Variants in DOP1B observed in about 807,000 individuals in gnomAD.
The protein encoded by DOP1B is protein DOP1B.
DOP1B carries 174 observed loss-of-function variants against 233.5 expected under a neutral mutation model. The ratio of observed to expected loss-of-function variants is 0.75; its 90% CI spans 0.66 to 0.85. DOP1B has a LOEUF of 0.85. DOP1B is among the 40% of genes least tolerant of loss of function. The pLI is 0.00. For synonymous variants in DOP1B, 1,190 were observed against 1,185.6 expected (o/e 1.00, Z -0.08); for missense variants, 2,652 against 2,846.6 (o/e 0.93, Z 1.56).
intron 30 of DOP1B, among the ~76,000 whole-genome samples, chr21:36,278,917 C>A (rs1483309835): frequency 6.6e-6 from 1 of 151,900 alleles, no homozygotes; most frequent in Non-Finnish European, 1.5e-5. Flanking sequence ...CTTGTTCTAT[C>A]TAATACTGCT....
intron 2 of DOP1B, among the ~76,000 whole-genome samples, chr21:36,167,924 CTTTTCTTTTCT>C (rs1291789496): frequency 0.066 from 6,907 of 104,354 alleles, 382 homozygotes; most frequent in Non-Finnish European, 0.087. Context: ...ATTTTCTTTT[CTTTTCTTTTCT>C]TTTTCTTTTT....
chr21:36,246,078 G>A lies in DOP1B; in HGVS notation c.4098G>A (p.Ser1366=), dbSNP rs756118246. 11 of 1,613,930 alleles carry A rather than the reference G, an allele frequency of 6.8e-6. 1 individual carries two copies. Among genetic ancestry groups the A allele is most frequent in the South Asian group, 4.4e-5 (4 of 91,072 alleles). The part of the protein sequence containing the change: ...MMQLVSVAKS[S]EGKNVEFIHS... The stretch of plus-strand genomic sequence containing the variant: ...AGCTGGTCTCAGTGGCCAAGTCTTC[G>A]GAAGGGAAGAACGTGGAGTTCATCC... Residue 1366 remains serine (S), a synonymous_variant, in exon 19 of 37, where the codon TCG becomes TCA. Transcript: ENST00000691173. This position sits in a 1 kb window ranked among gnomAD's most constrained non-coding sequence, Gnocchi z 5.1.
At position 36,288,074 on chromosome 21, in the gene DOP1B, T is replaced by C. The variant is rs1006799434; in HGVS notation, c.6221T>C (p.Leu2074Pro). Residue 2074 changes from leucine to proline, a missense_variant, in exon 33 of 37, where the codon CTT becomes CCT. Coordinates refer to ENST00000691173, the MANE Select transcript of DOP1B (RefSeq NM_001320714.2). The stretch of plus-strand genomic sequence containing the variant: ...TCCATAGTTGCTGCTCAGATGTTTC[T>C]TTTTTTCAGAGTTTTGCTGCTAAGA... ...QTSIVAAQMF[L>P]FFRVLLLRIS... The C allele has an allele frequency of 1.2e-6, 2 of 1,614,000 alleles. No homozygotes were observed. The highest frequency in any genetic ancestry group is 1.7e-6 in the Non-Finnish European group (2 of 1,179,958).
intron 2 of DOP1B, among the ~76,000 whole-genome samples, chr21:36,189,398 T>C (rs1197621233): frequency 6.6e-6 from 1 of 152,244 alleles, no homozygotes; most frequent in Non-Finnish European, 1.5e-5. Flanking sequence ...TAATTTCCTG[T>C]TTAATCAGTT....
intron 15 of DOP1B, among the ~76,000 whole-genome samples, chr21:36,235,814 G>A (rs1425959233): frequency 2.8e-5 from 4 of 144,566 alleles, no homozygotes; most frequent in African/African-American, 5.0e-5. Flanking sequence ...TAAACCTTCC[G>A]GAAGGGAGTC....
intron 23 of DOP1B, among the ~76,000 whole-genome samples, 156 bp downstream of exon 23, chr21:36,254,065 G>A (rs936966751): frequency 3.9e-5 from 6 of 152,138 alleles, no homozygotes; most frequent in Admixed American, 2.6e-4. Flanking sequence ...TGTTTGCTGT[G>A]CTTTGGGGGA....
At chr21:36,259,080 C>T (rs902975849) in intron 23 of DOP1B, among the ~76,000 whole-genome samples, 2 of 151,334 alleles carry the variant, frequency 1.3e-5, no homozygotes, top group African/African-American at 4.9e-5. Flanking sequence ...ATTCTCCTGC[C>T]TCAGCCTCCC....
intron 1 of DOP1B, among the ~76,000 whole-genome samples, chr21:36,158,836 G>T (rs559357335): frequency 2.2e-4 from 33 of 148,580 alleles, no homozygotes; most frequent in Non-Finnish European, 4.6e-4. Context: ...AAAAAGAAAT[G>T]CATGCATAAG....
chr21:36,248,958 A>G (rs2067001536), intron 21 of DOP1B, among the ~76,000 whole-genome samples: 1 of 151,818 alleles, frequency 6.6e-6, no homozygotes, highest in South Asian at 2.1e-4. Flanking sequence ...TACAAAAATT[A>G]GCCAGGTGTG....
intron 2 of DOP1B, among the ~76,000 whole-genome samples, chr21:36,184,338 C>T (rs1441686544): frequency 6.6e-6 from 1 of 152,154 alleles, no homozygotes; most frequent in African/African-American, 2.4e-5. Context: ...TGTGAGCCAC[C>T]ACGCCCGGCC....
intron 2 of DOP1B, among the ~76,000 whole-genome samples, 174 bp downstream of exon 2, chr21:36,165,045 A>G (rs1026357007): frequency 2.6e-5 from 4 of 152,118 alleles, no homozygotes; most frequent in African/African-American, 9.7e-5. Context: ...ATATACAATG[A>G]TGATTACAAT....
intron 15 of DOP1B, among the ~76,000 whole-genome samples, chr21:36,236,777 C>CTTTTTTTTTTTTTTTTTT (rs35374710): frequency 2.5e-5 from 3 of 118,572 alleles, no homozygotes; most frequent in East Asian, 2.4e-4. Flanking sequence ...TTTTCTTTTT[C>CTTTTTTTTTTTTTTTTTT]TTTTTTTTTT....
In DOP1B at chr21:36,245,538, G is replaced by T. The variant is rs529578047; in HGVS notation, c.3558G>T (p.Thr1186=). The T allele has an allele frequency of 1.9e-6, 3 of 1,613,468 alleles. No individual in the cohort carries two copies. The highest frequency in any genetic ancestry group is 2.5e-6 in the Non-Finnish European group (3 of 1,180,034). ...TGGTGCGGGTGGACTCGGACAAGAC[G>T]CAGGCTTCTGAGTCGTTCTCCAGCG... The part of the protein sequence containing the change: ...LSLVRVDSDK[T]QASESFSSDE... Residue 1186 remains threonine (T), a synonymous_variant, in exon 19 of 37, where the codon ACG becomes ACT. Coordinates refer to ENST00000691173, the MANE Select transcript of DOP1B (RefSeq NM_001320714.2). The surrounding 1 kb of genome is among the most constrained non-coding windows in gnomAD (Gnocchi z 5.5).
At chr21:36,277,833 G>A in intron 28 of DOP1B, 142 bp from the exon 29 acceptor site, 2 of 636,598 alleles carry the variant, frequency 3.1e-6, no homozygotes, top group South Asian at 3.7e-5. Context: ...GTAGAGATGG[G>A]GTTTCACCAT....
chr21:36,171,004 T>A (rs2065967585), intron 2 of DOP1B, among the ~76,000 whole-genome samples: 1 of 152,224 alleles, frequency 6.6e-6, no homozygotes, highest in Non-Finnish European at 1.5e-5. Flanking sequence ...CTGAGGCCGC[T>A]GACATTCATG....
chr21:36,243,083 C>T (rs2066910610), intron 18 of DOP1B, among the ~76,000 whole-genome samples: 1 of 151,594 alleles, frequency 6.6e-6, no homozygotes, highest in Non-Finnish European at 1.5e-5. Flanking sequence ...AGGTTCAAGC[C>T]ATTCGCCTGC....
rs1461074664 is a variant in DOP1B at position 36,239,925 on chromosome 21, A to T, written c.3037A>T (p.Ile1013Phe). The T allele has an allele frequency of 6.2e-7, 1 of 1,610,748 alleles. No homozygotes were observed. Residue 1013 changes from isoleucine to phenylalanine, a missense_variant, in exon 18 of 37, where the codon ATC becomes TTC. Ile to Phe is a conservative substitution (Grantham distance 21, BLOSUM62 0). This residue lies in a region of DOP1B where 2,617 missense variants were observed against 2,794.3 expected (regional missense o/e 0.94). Transcript: ENST00000691173. Reference sequence around the variant, plus strand: ...GCAGCCAAAAACCCAGAGAACCTCCATCCACTGCCTCAAGCAGGAGAACTC... The same window carrying T: ...GCAGCCAAAAACCCAGAGAACCTCCTTCCACTGCCTCAAGCAGGAGAACTC... ...LLQPKTQRTS[I>F]HCLKQENSAD...
At chr21:36,229,635 G>A (rs1048680676) in intron 13 of DOP1B, among the ~76,000 whole-genome samples, 9 of 150,204 alleles carry the variant, frequency 6.0e-5, no homozygotes, top group African/African-American at 2.2e-4. Context: ...AACCCATAAC[G>A]TACACTATTC....
chr21:36,288,419 G>A (rs1383874368), intron 33 of DOP1B, among the ~76,000 whole-genome samples: 2 of 152,064 alleles, frequency 1.3e-5, no homozygotes, highest in African/African-American at 2.4e-5. Context: ...TGGGCTGGGC[G>A]TGGTAGCTTA....
Sources: allele counts gnomAD v4.1 joint callset (sites outside exome capture counted in the v4.1 genomes callset), GRCh38; gene constraint gnomAD v4.1.1; regional missense constraint gnomAD v4.1.1; non-coding constraint Gnocchi (gnomAD v3.1); transcripts MANE v1.5; gene names NCBI Gene and HGNC (gene_info 2026-07-23, HGNC 2026-07-21).